RARB: variants seen among roughly 807,000 people sequenced by gnomAD.
The protein encoded by RARB is retinoic acid receptor beta.
In RARB, 17 loss-of-function variants were observed where a neutral mutation model predicts 51.9. That is an observed-to-expected ratio of 0.33 (90% CI 0.22 to 0.49). The LOEUF is 0.49. Ranked by LOEUF, RARB falls within the 20% of genes least tolerant of loss-of-function variation. The pLI, the probability that RARB is intolerant of heterozygous loss-of-function variation, is 0.99. For missense variants in RARB, 369 were observed against 550.8 expected (o/e 0.67, Z 3.30); for synonymous variants, 215 against 195.4 (o/e 1.10, Z -0.84).
At chr3:25,069,600 G>A (rs997846354) in intron 3 of RARB, among the ~76,000 whole-genome samples, 2 of 152,110 alleles carry the variant, frequency 1.3e-5, no homozygotes, top group Admixed American at 1.3e-4. Context: ...CCACCTGGAT[G>A]TAAAGGCAAG....
chr3:25,218,234 G>A (rs1701875468), intron 5 of RARB, among the ~76,000 whole-genome samples: 1 of 152,076 alleles, frequency 6.6e-6, no homozygotes, highest in Admixed American at 6.5e-5. Context: ...CAGCTTCTAG[G>A]GAGGATGGTT....
intron 3 of RARB, among the ~76,000 whole-genome samples, chr3:25,519,599 A>G (rs17016617): frequency 0.06 from 9,171 of 152,250 alleles, 918 homozygotes; most frequent in African/African-American, 0.21. Flanking sequence ...GTTTGATCTC[A>G]TATTTGTAAC....
At chr3:25,372,456 G>A (rs1706330266) in intron 5 of RARB, among the ~76,000 whole-genome samples, 1 of 152,184 alleles carries the variant, frequency 6.6e-6, no homozygotes, top group Non-Finnish European at 1.5e-5. Context: ...AGACATAATA[G>A]TGAAAGCCAA....
intron 5 of RARB, among the ~76,000 whole-genome samples, chr3:25,234,496 GT>G (rs1702256950): frequency 6.6e-6 from 1 of 151,970 alleles, no homozygotes; most frequent in Non-Finnish European, 1.5e-5. Flanking sequence ...TAGATTTTCT[GT>G]TTCAAATTTT....
At chr3:24,996,036 A>G (rs745548048) in intron 2 of RARB, among the ~76,000 whole-genome samples, 3 of 152,052 alleles carry the variant, frequency 2.0e-5, no homozygotes, top group Non-Finnish European at 4.4e-5. Flanking sequence ...AGAATCTGTT[A>G]TTAATTGTTC....
intron 5 of RARB, among the ~76,000 whole-genome samples, chr3:25,582,268 A>G (rs1701206810): frequency 6.6e-6 from 1 of 152,218 alleles, no homozygotes; most frequent in Non-Finnish European, 1.5e-5. Context: ...AACACTCAGT[A>G]GAATTTCCCC....
chr3:24,939,401 A>G (rs1695611953), intron 2 of RARB, among the ~76,000 whole-genome samples: 1 of 152,234 alleles, frequency 6.6e-6, no homozygotes, highest in Non-Finnish European at 1.5e-5. Context: ...AAATTGTTAC[A>G]TATTTTATAG....
chr3:25,083,744 T>C (rs778870606), intron 3 of RARB, among the ~76,000 whole-genome samples: 27 of 152,222 alleles, frequency 1.8e-4, no homozygotes, highest in Non-Finnish European at 3.5e-4. Context: ...CTCTGGGTTG[T>C]ATTATCATCC....
At chr3:25,295,704 C>T (rs1222214445) in intron 5 of RARB, among the ~76,000 whole-genome samples, 1 of 152,044 alleles carries the variant, frequency 6.6e-6, no homozygotes, top group Non-Finnish European at 1.5e-5. Context: ...TGTCAGTGGC[C>T]CACTTTTATT....
intron 3 of RARB, among the ~76,000 whole-genome samples, chr3:25,506,296 T>C (rs929843696): frequency 4.2e-5 from 6 of 144,432 alleles, no homozygotes; most frequent in African/African-American, 1.3e-4. Flanking sequence ...TTTTAAAAGA[T>C]GTTAGAAATT....
intron 2 of RARB, among the ~76,000 whole-genome samples, chr3:25,480,893 G>T (rs1696194609): frequency 6.6e-6 from 1 of 152,110 alleles, no homozygotes; most frequent in Admixed American, 6.6e-5. Flanking sequence ...TCACCTGGAT[G>T]GCTTGTCAAA....
At chr3:24,998,985 G>C (rs900624061) in intron 2 of RARB, among the ~76,000 whole-genome samples, 10 of 151,976 alleles carry the variant, frequency 6.6e-5, no homozygotes, top group South Asian at 4.1e-4. Context: ...GAAAAAACTT[G>C]GATTCCAAGA....
chr3:25,146,577 G>C (rs1015585297), intron 4 of RARB, among the ~76,000 whole-genome samples: 4 of 149,158 alleles, frequency 2.7e-5, no homozygotes, highest in African/African-American at 9.9e-5. Context: ...GCGCGATCTC[G>C]GCTCACTGCA....
At chr3:24,907,630 A>G (rs1221784786) in intron 2 of RARB, among the ~76,000 whole-genome samples, 1 of 152,188 alleles carries the variant, frequency 6.6e-6, no homozygotes, top group African/African-American at 2.4e-5. Context: ...ATGGGATGGC[A>G]TGTGTAGTCA....
intron 3 of RARB, among the ~76,000 whole-genome samples, chr3:25,075,805 C>T (rs777245735): frequency 2.2e-4 from 34 of 152,084 alleles, no homozygotes; most frequent in Non-Finnish European, 4.6e-4. Context: ...TGGGAGCTTT[C>T]TGTAAAAGAG....
intron 2 of RARB, among the ~76,000 whole-genome samples, chr3:24,948,929 G>C (rs1331068094): frequency 6.6e-6 from 1 of 152,108 alleles, no homozygotes; most frequent in Non-Finnish European, 1.5e-5. Context: ...GTAGAACCAT[G>C]ACAATTATAA....
At chr3:24,952,758 A>G in intron 2 of RARB, among the ~76,000 whole-genome samples, 1 of 148,348 alleles carries the variant, frequency 6.7e-6, no homozygotes, top group Non-Finnish European at 1.5e-5. Context: ...CCTTTCCCTG[A>G]TAGATTCATT....
At chr3:25,419,300 C>A (rs993979134) in intron 5 of RARB, among the ~76,000 whole-genome samples, 1 of 152,102 alleles carries the variant, frequency 6.6e-6, no homozygotes, top group Admixed American at 6.5e-5. Context: ...CCTCCCTGTT[C>A]TACTGTTTAC....
intron 2 of RARB, among the ~76,000 whole-genome samples, chr3:24,928,738 T>C (rs1202022765): frequency 6.6e-6 from 1 of 152,114 alleles, no homozygotes; most frequent in Non-Finnish European, 1.5e-5. Context: ...CTTTCTCAGC[T>C]CCCAAATCCT....
Sources: gnomAD v4.1 joint callset for allele counts (sites outside exome capture counted in the v4.1 genomes callset) on GRCh38, gnomAD v4.1.1 for gene constraint, MANE v1.5 for transcripts, NCBI Gene and HGNC (gene_info 2026-07-23, HGNC 2026-07-21) for gene names.